The following MGMT variants were observed in gnomAD, a reference collection of about 807,000 sequenced individuals.
MGMT encodes the protein O-6-methylguanine-DNA methyltransferase.
MGMT carries 14 observed loss-of-function variants against 15.9 expected under a neutral mutation model. That is an observed-to-expected ratio of 0.88 (90% CI 0.58 to 1.37). The LOEUF (loss-of-function observed/expected upper bound fraction) is 1.37. MGMT is among the 40% of genes most tolerant of loss of function. The pLI, the probability that MGMT is intolerant of heterozygous loss-of-function variation, is 0.00. For missense variants in MGMT, 282 were observed against 268.1 expected (o/e 1.05, Z -0.36); for synonymous variants, 130 against 118.2 (o/e 1.10, Z -0.65).
intron 2 of MGMT, among the ~76,000 whole-genome samples, chr10:129,594,659 G>A (rs534733818): frequency 1.3e-5 from 2 of 152,290 alleles, no homozygotes; most frequent in African/African-American, 4.8e-5. Context: ...GCGCGTGAAA[G>A]ACAATACGAA....
Position 129,570,161 on chromosome 10 carries a change from T to C in MGMT, c.125+33784T>C, listed in dbSNP as rs189798273. On this transcript the variant is annotated intron_variant, in intron 2 of 4. Coordinates refer to ENST00000651593, the MANE Select transcript of MGMT (RefSeq NM_002412.5). ...CATTTGCACACTGACATTGGTCTTATTCTCATCAACTAATAATTAAACCAG... is the reference window on the plus strand; with the variant it reads ...CATTTGCACACTGACATTGGTCTTACTCTCATCAACTAATAATTAAACCAG... 5.0e-3 allele frequency among the ~76,000 whole-genome samples: 766 copies of C among 152,392 alleles called. 1 individual carries two copies. Among genetic ancestry groups the C allele is most frequent in the Non-Finnish European group, 6.8e-3 (466 of 68,042 alleles).
intron 2 of MGMT, among the ~76,000 whole-genome samples, chr10:129,595,678 G>T (rs1290317881): frequency 6.6e-6 from 1 of 152,160 alleles, no homozygotes; most frequent in African/African-American, 2.4e-5. Context: ...CCCTCCTTGT[G>T]AGTAGGAGTC....
chr10:129,658,635 C>G (rs1400716023), intron 2 of MGMT, among the ~76,000 whole-genome samples: 1 of 152,170 alleles, frequency 6.6e-6, no homozygotes, highest in Non-Finnish European at 1.5e-5. Context: ...CTCACCACAT[C>G]CTGGAGTTCT....
intron 2 of MGMT, among the ~76,000 whole-genome samples, chr10:129,635,334 G>C (rs1279375731): frequency 6.6e-6 from 1 of 152,192 alleles, no homozygotes; most frequent in African/African-American, 2.4e-5. Context: ...TGCCTGTCCT[G>C]GTTTCCGGGC....
chr10:129,747,038 C>T (rs974286246), intron 3 of MGMT, among the ~76,000 whole-genome samples: 2 of 152,016 alleles, frequency 1.3e-5, no homozygotes, highest in African/African-American at 4.8e-5. Flanking sequence ...ACAAACAGAG[C>T]CTATATACAA....
At chr10:129,723,878 A>G (rs931646401) in intron 3 of MGMT, among the ~76,000 whole-genome samples, 21 of 152,172 alleles carry the variant, frequency 1.4e-4, no homozygotes, top group African/African-American at 5.1e-4. Context: ...GACACCACCA[A>G]GTGTCGCAGA....
intron 2 of MGMT, among the ~76,000 whole-genome samples, chr10:129,569,372 C>T (rs1410497086): frequency 1.3e-5 from 2 of 152,136 alleles, no homozygotes; most frequent in South Asian, 2.1e-4. Flanking sequence ...GTGGCTCAGG[C>T]GAATCCAGCA....
intron 3 of MGMT, among the ~76,000 whole-genome samples, chr10:129,711,149 C>G (rs1203355096): frequency 6.6e-6 from 1 of 152,228 alleles, no homozygotes; most frequent in Non-Finnish European, 1.5e-5. Flanking sequence ...CTCTCCTGCA[C>G]ACGGCCTCTT....
In MGMT at chr10:129,617,399, A is replaced by G. The variant is rs148554982; in HGVS notation, c.125+81022A>G. ...AGTGCTGCAGTGAATATACGCGTGC[A>G]TGTATCTTTATGGTAGAACCGTTTA... On this transcript the variant is annotated intron_variant, in intron 2 of 4. Transcript: ENST00000651593. Among the ~76,000 whole-genome samples the G allele has an allele frequency of 2.7e-3, 415 of 152,232 alleles. 4 individuals carry two copies. Among genetic ancestry groups the G allele is most frequent in the African/African-American group, 9.3e-3 (387 of 41,548 alleles).
At chr10:129,657,444 G>T (rs1847537091) in intron 2 of MGMT, among the ~76,000 whole-genome samples, 1 of 151,478 alleles carries the variant, frequency 6.6e-6, no homozygotes, top group African/African-American at 2.4e-5. Context: ...GATAAACCCT[G>T]CCCTGAGGCG....
At chr10:129,482,461 T>C (rs1041872902) in intron 1 of MGMT, among the ~76,000 whole-genome samples, 1 of 152,146 alleles carries the variant, frequency 6.6e-6, no homozygotes, top group African/African-American at 2.4e-5. Context: ...TATATCCTTA[T>C]TGAATTTTGT....
At chr10:129,742,551 G>A (rs1477332740) in intron 3 of MGMT, among the ~76,000 whole-genome samples, 3 of 137,374 alleles carry the variant, frequency 2.2e-5, no homozygotes, top group Admixed American at 7.4e-5. Flanking sequence ...CGGCTGCAGC[G>A]GCCCATGCTC....
chr10:129,523,954 G>T (rs995345627), intron 1 of MGMT, among the ~76,000 whole-genome samples: 1 of 152,180 alleles, frequency 6.6e-6, no homozygotes, highest in Non-Finnish European at 1.5e-5. Flanking sequence ...GGAAGTGTCC[G>T]CTCAGACACT....
intron 2 of MGMT, among the ~76,000 whole-genome samples, chr10:129,606,991 C>A (rs1003199017): frequency 6.6e-6 from 1 of 152,098 alleles, no homozygotes. Flanking sequence ...GCTGGGAAAG[C>A]CCGTTTTTTC....
intron 3 of MGMT, among the ~76,000 whole-genome samples, chr10:129,722,329 T>C (rs551699274): frequency 6.6e-6 from 1 of 152,178 alleles, no homozygotes; most frequent in African/African-American, 2.4e-5. Flanking sequence ...TTTAAAGATA[T>C]GCAAGGCCTC....
chr10:129,583,748 T>C (rs1402609511), intron 2 of MGMT, among the ~76,000 whole-genome samples: 1 of 152,226 alleles, frequency 6.6e-6, no homozygotes, highest in Non-Finnish European at 1.5e-5. Context: ...GTCCTCCTCG[T>C]CTCTGTAGTT....
intron 1 of MGMT, among the ~76,000 whole-genome samples, chr10:129,477,554 G>GA (rs1845309235): frequency 1.3e-5 from 2 of 151,948 alleles, no homozygotes; most frequent in Admixed American, 6.5e-5. Flanking sequence ...CCTTGGCAGA[G>GA]AAAGAGAGGA....
At chr10:129,507,635 G>A (rs988495491) in intron 1 of MGMT, among the ~76,000 whole-genome samples, 1 of 152,188 alleles carries the variant, frequency 6.6e-6, no homozygotes, top group Non-Finnish European at 1.5e-5. Context: ...AGGAGATGGG[G>A]ATTTATGAGC....
intron 2 of MGMT, among the ~76,000 whole-genome samples, chr10:129,640,323 C>G (rs957960453): frequency 6.6e-6 from 1 of 152,092 alleles, no homozygotes; most frequent in Non-Finnish European, 1.5e-5. Context: ...GTCTCAAACT[C>G]CTGGCCTCAT....
Sources: allele counts gnomAD v4.1 joint callset (sites outside exome capture counted in the v4.1 genomes callset), GRCh38; gene constraint gnomAD v4.1.1; transcripts MANE v1.5; gene names NCBI Gene and HGNC (gene_info 2026-07-23, HGNC 2026-07-21).